DOCK4: variants seen among roughly 807,000 people sequenced by gnomAD.
DOCK4 encodes dedicator of cytokinesis protein 4.
Under a neutral mutation model 268.1 loss-of-function variants are expected in DOCK4, and 97 were observed. The observed-to-expected ratio is 0.36, with a 90% CI of 0.31 to 0.43. The LOEUF is 0.43. Among genes scored for constraint, DOCK4 ranks in the 20% least tolerant of loss-of-function variants. DOCK4 has a pLI of 1.00. For synonymous variants in DOCK4, 954 were observed against 887.2 expected (o/e 1.08, Z -1.34); for missense variants, 2,145 against 2,455.7 (o/e 0.87, Z 2.67).
chr7:112,186,955 G>A (rs905053572), intron 1 of DOCK4, among the ~76,000 whole-genome samples: 2 of 151,880 alleles, frequency 1.3e-5, no homozygotes, highest in Non-Finnish European at 2.9e-5. Context: ...CAGGGAGGAA[G>A]AATAAACCAC....
intron 12 of DOCK4, among the ~76,000 whole-genome samples, chr7:111,933,321 A>G (rs2134694385): frequency 8.1e-6 from 1 of 123,504 alleles, no homozygotes; most frequent in African/African-American, 3.2e-5. Context: ...TTTGAGATGG[A>G]GTCTCTCTCT....
At chr7:112,200,746 A>AAAAAC (rs1820864557) in intron 1 of DOCK4, among the ~76,000 whole-genome samples, 1 of 150,484 alleles carries the variant, frequency 6.6e-6, no homozygotes, top group South Asian at 2.1e-4. Context: ...AAACAAAAAA[A>AAAAAC]AACAAGATCA....
intron 1 of DOCK4, among the ~76,000 whole-genome samples, chr7:112,095,244 A>T (rs963366963): frequency 6.6e-6 from 1 of 152,230 alleles, no homozygotes; most frequent in Non-Finnish European, 1.5e-5. Context: ...TTGAGAGGGC[A>T]ATGTTAAATC....
chr7:111,934,775 G>A (rs1206705791), intron 12 of DOCK4, among the ~76,000 whole-genome samples: 6 of 149,160 alleles, frequency 4.0e-5, no homozygotes, highest in Non-Finnish European at 8.9e-5. Context: ...TCCTGACCTC[G>A]TGATCCGCCC....
intron 1 of DOCK4, among the ~76,000 whole-genome samples, chr7:112,056,807 G>A (rs924210778): frequency 6.6e-6 from 1 of 152,034 alleles, no homozygotes; most frequent in African/African-American, 2.4e-5. Context: ...AGCCATATAA[G>A]TAAAAACTGA....
chr7:112,067,059 G>A (rs1807142709), intron 1 of DOCK4, among the ~76,000 whole-genome samples: 1 of 151,508 alleles, frequency 6.6e-6, no homozygotes, highest in East Asian at 1.9e-4. Flanking sequence ...GGCACCTGTG[G>A]TCTCAGCTAC....
chr7:112,119,922 A>G (rs1432484065), intron 1 of DOCK4, among the ~76,000 whole-genome samples: 1 of 149,440 alleles, frequency 6.7e-6, no homozygotes, highest in Non-Finnish European at 1.5e-5. Flanking sequence ...ATCTCGGCTC[A>G]CTGCAACCTT....
rs1475910484 is a variant in DOCK4 at position 111,989,047 on chromosome 7, G to A, written c.432C>T (p.Arg144=). 6.2e-7 allele frequency: 1 copy of A among 1,613,570 alleles called. No homozygotes were observed. The highest frequency in any genetic ancestry group is 1.7e-5 in the Admixed American group (1 of 59,942). ...CCCAGTCAAGCCGGGCAGTAATGTG[G>A]CGCTTCACGTCCTTCATCCGGTCGT... ...LTHDRMKDVK[R]HITARLDWGN... Residue 144 remains arginine (R), a synonymous_variant, in exon 6 of 53, where the codon CGC becomes CGT. Coordinates refer to ENST00000428084, the MANE Select transcript of DOCK4 (RefSeq NM_001363540.2).
intron 23 of DOCK4, among the ~76,000 whole-genome samples, chr7:111,858,261 G>A (rs188030676): frequency 6.6e-6 from 1 of 152,258 alleles, no homozygotes; most frequent in African/African-American, 2.4e-5. Context: ...GCTCAACCAT[G>A]ACTATTCTGC....
At chr7:112,110,502 A>G (rs1811557940) in intron 1 of DOCK4, among the ~76,000 whole-genome samples, 1 of 152,226 alleles carries the variant, frequency 6.6e-6, no homozygotes, top group South Asian at 2.1e-4. Flanking sequence ...CAGTGCCCTG[A>G]CATTGGGCCT....
intron 1 of DOCK4, among the ~76,000 whole-genome samples, chr7:112,148,873 C>T (rs559792547): frequency 8.5e-5 from 13 of 152,230 alleles, no homozygotes; most frequent in African/African-American, 2.2e-4. Flanking sequence ...GAAGGGAACA[C>T]ACAAACCACT....
chr7:111,927,484 ATTTGGTAGGAGTGATG>A (rs1306985386), intron 12 of DOCK4, among the ~76,000 whole-genome samples: 2 of 152,208 alleles, frequency 1.3e-5, no homozygotes, highest in Non-Finnish European at 2.9e-5. Flanking sequence ...GCTTCTCCAC[ATTTGGTAGGAGTGATG>A]AGAGCATTCG....
intron 16 of DOCK4, among the ~76,000 whole-genome samples, chr7:111,885,737 G>C (rs1807786812): frequency 8.8e-6 from 1 of 113,282 alleles, no homozygotes; most frequent in Non-Finnish European, 2.2e-5. Context: ...TTACAAATTA[G>C]AGAGGAGAGA....
At position 112,020,000 on chromosome 7, in the gene DOCK4, C is replaced by T. The variant is rs1288137414; in HGVS notation, c.38-15869G>A. On this transcript the variant is annotated intron_variant, in intron 1 of 52. Coordinates refer to ENST00000428084, the MANE Select transcript of DOCK4 (RefSeq NM_001363540.2). ...AAATCCCAATTTACAATTGGAGCTG[C>T]AGAGTTAAAAATACCCAGCATTATA... Among the ~76,000 whole-genome samples the T allele has an allele frequency of 2.0e-5, 3 of 152,132 alleles. No homozygotes were observed. In the East Asian group the frequency reaches 5.8e-4, roughly 29 times the overall value.
chr7:112,026,208 G>GTGAGTGGCAAGCGGGTCAGCA (rs1392252268), intron 1 of DOCK4, among the ~76,000 whole-genome samples: 1 of 152,230 alleles, frequency 6.6e-6, no homozygotes, highest in Non-Finnish European at 1.5e-5. Context: ...ACAGCAGAAG[G>GTGAGTGGCAAGCGGGTCAGCA]TGAGTGGCAA....
In DOCK4 at chr7:111,916,276, G is replaced by A. The variant is rs140819198; in HGVS notation, c.1067-372C>T. ...CTAAAAAATACTGACATCAAAATGGGAGGTTTAAAACAAAACAAAACAAAA... is the reference window on the plus strand; with the variant it reads ...CTAAAAAATACTGACATCAAAATGGAAGGTTTAAAACAAAACAAAACAAAA... On this transcript the variant is annotated intron_variant, in intron 12 of 52. Transcript: ENST00000428084. Among the ~76,000 whole-genome samples the A allele has an allele frequency of 4.4e-3, 674 of 152,072 alleles. 3 individuals carry two copies. Among genetic ancestry groups the A allele is most frequent in the Non-Finnish European group, 7.1e-3 (483 of 68,020 alleles).
rs566134478 is a variant in DOCK4 at position 112,025,245 on chromosome 7, C to T, written c.38-21114G>A. 3.9e-5 allele frequency among the ~76,000 whole-genome samples: 6 copies of T among 152,224 alleles called. No individual in the cohort carries two copies. In the East Asian group the frequency reaches 1.2e-3, roughly 29 times the overall value. ...AATAATAAAAAGCTGCCTTTTCTAC[C>T]TCATTCTCATTGAGTTCTCTAAGCT... On this transcript the variant is annotated intron_variant, in intron 1 of 52. Transcript: ENST00000428084.
intron 23 of DOCK4, among the ~76,000 whole-genome samples, chr7:111,853,340 AG>A (rs1267217725): frequency 1.3e-5 from 2 of 152,046 alleles, no homozygotes; most frequent in African/African-American, 2.4e-5. Context: ...GGCACTGCTG[AG>A]GGGCGGCCTC....
intron 16 of DOCK4, among the ~76,000 whole-genome samples, chr7:111,894,233 G>A (rs13222259): frequency 5.7e-5 from 8 of 139,942 alleles, no homozygotes; most frequent in Non-Finnish European, 1.1e-4. Context: ...AAAAAAAAAA[G>A]AAAAAAGAAA....
Sources: allele counts gnomAD v4.1 joint callset (sites outside exome capture counted in the v4.1 genomes callset), GRCh38; gene constraint gnomAD v4.1.1; transcripts MANE v1.5; gene names NCBI Gene and HGNC (gene_info 2026-07-23, HGNC 2026-07-21).